Variants in CUX1 observed in about 807,000 individuals in gnomAD.
The protein encoded by CUX1 is protein CASP.
CUX1 carries 31 observed loss-of-function variants against 158.8 expected under a neutral mutation model. That is an observed-to-expected ratio of 0.20 (90% CI 0.15 to 0.26). CUX1 has a LOEUF of 0.26. Ranked by LOEUF, CUX1 falls within the 10% of genes least tolerant of loss-of-function variation. CUX1 has a pLI of 1.00. For synonymous variants in CUX1, 879 were observed against 862.1 expected, an observed-to-expected ratio of 1.02 and a Z score of -0.34; for missense variants, 1,589 against 2,014.6, an observed-to-expected ratio of 0.79 and a Z score of 4.04.
At chr7:101,871,490 G>C (rs1156627588) in intron 1 of CUX1, among the ~76,000 whole-genome samples, 4 of 152,082 alleles carry the variant, frequency 2.6e-5, no homozygotes, top group African/African-American at 4.8e-5. Context: ...ACAGCGAGCA[G>C]CCTCCTTCCC....
intron 8 of CUX1, among the ~76,000 whole-genome samples, chr7:102,118,340 C>T (rs1369517823): frequency 6.6e-6 from 1 of 152,140 alleles, no homozygotes; most frequent in African/African-American, 2.4e-5. Flanking sequence ...GAGTTCAAGA[C>T]CAGCCTGGGC....
intron 2 of CUX1, among the ~76,000 whole-genome samples, chr7:101,954,037 T>C (rs868856969): frequency 1.3e-5 from 2 of 152,122 alleles, no homozygotes; most frequent in Non-Finnish European, 2.9e-5. Flanking sequence ...AAAAATTTTT[T>C]TAAGTCAGCC....
At chr7:101,881,861 C>T (rs142405428) in intron 1 of CUX1, among the ~76,000 whole-genome samples, 69 of 152,210 alleles carry the variant, frequency 4.5e-4, no homozygotes, top group African/African-American at 1.6e-3. Flanking sequence ...TATAGAACAG[C>T]CGAACCATTC....
intron 1 of CUX1, among the ~76,000 whole-genome samples, chr7:101,855,431 G>C (rs1584773188): frequency 1.3e-5 from 2 of 152,230 alleles, no homozygotes; most frequent in East Asian, 3.8e-4. Context: ...CTCATAGGTT[G>C]ATAAGGAAAA....
In CUX1 at chr7:102,227,220, G is replaced by A. The variant is rs140160517; in HGVS notation, c.3131-147G>A. On this transcript the variant is annotated intron_variant, in intron 20 of 23. Coordinates refer to ENST00000292535, the MANE Select transcript of CUX1 (RefSeq NM_181552.4). ...AGGTTACTCTCAGTCAAAAAAATAT[G>A]AAACAGTTCACTAAGACCCACAGAA... The A allele has an allele frequency of 3.4e-4, 235 of 693,860 alleles. 2 individuals carry two copies. The African/African-American group carries it at 3.9e-3, about 12-fold the overall frequency. 43.0% of individuals were successfully genotyped at this position (693,860 alleles called of 1,614,324 possible).
intron 2 of CUX1, among the ~76,000 whole-genome samples, chr7:101,930,872 G>A (rs899515335): frequency 6.6e-6 from 1 of 152,154 alleles, no homozygotes; most frequent in Non-Finnish European, 1.5e-5. Flanking sequence ...TGAGGCGGAC[G>A]GGTCACTTGA....
intron 1 of CUX1, among the ~76,000 whole-genome samples, chr7:101,866,173 A>T (rs1045998750): frequency 1.3e-5 from 2 of 151,848 alleles, no homozygotes; most frequent in Admixed American, 6.6e-5. Flanking sequence ...TAAAAAAATA[A>T]AAATTAGGCT....
chr7:102,049,605 C>T (rs10245816), intron 3 of CUX1, among the ~76,000 whole-genome samples: 31,618 of 151,700 alleles, frequency 0.21, 3,779 homozygotes, highest in African/African-American at 0.33. Flanking sequence ...ATGGAGAGGC[C>T]GAGGCAGGAG....
intron 2 of CUX1, among the ~76,000 whole-genome samples, chr7:101,926,053 T>A (rs899364784): frequency 3.9e-5 from 6 of 152,184 alleles, no homozygotes; most frequent in Non-Finnish European, 7.3e-5. Flanking sequence ...TGTTCTCTCA[T>A]CCTCTAAAGA....
At position 102,070,288 on chromosome 7, in the gene CUX1, G is replaced by C. The variant is rs114651115; in HGVS notation, c.190-51G>C. The C allele has an allele frequency of 1.1e-3, 1,676 of 1,500,660 alleles. 14 individuals carry two copies. The African/African-American group carries it at 0.021, about 19-fold the overall frequency. The allele number at this position is 1,500,660 out of a possible 1,614,324, so 93.0% of individuals were successfully genotyped here. Reference sequence around the variant, plus strand: ...TGTAATGCTTTGTAAATTACCTCTTGACAAATGTTGAGCTCTTTGTTTTTC... The same window carrying C: ...TGTAATGCTTTGTAAATTACCTCTTCACAAATGTTGAGCTCTTTGTTTTTC... On this transcript the variant is annotated intron_variant, in intron 3 of 23. Coordinates refer to ENST00000292535, the MANE Select transcript of CUX1 (RefSeq NM_181552.4).
At chr7:102,108,170 A>T (rs1244880101) in intron 6 of CUX1, among the ~76,000 whole-genome samples, 1 of 152,218 alleles carries the variant, frequency 6.6e-6, no homozygotes, top group African/African-American at 2.4e-5. Flanking sequence ...AAATATTAAT[A>T]ATAGTTATGG....
At chr7:102,030,540 A>G (rs1402514948) in intron 3 of CUX1, among the ~76,000 whole-genome samples, 1 of 152,150 alleles carries the variant, frequency 6.6e-6, no homozygotes, top group African/African-American at 2.4e-5. Context: ...ATTCACAGTA[A>G]TTCCAGGTCA....
intron 11 of CUX1, among the ~76,000 whole-genome samples, chr7:102,188,204 TAA>T (rs35225944): frequency 6.8e-6 from 1 of 147,238 alleles, no homozygotes; most frequent in African/African-American, 2.5e-5. Flanking sequence ...GTCTCTTTTT[TAA>T]AAAAAAAAAG....
intron 23 of CUX1, among the ~76,000 whole-genome samples, chr7:102,243,715 A>G (rs1452434063): frequency 2.0e-5 from 3 of 150,874 alleles, no homozygotes; most frequent in Non-Finnish European, 3.0e-5. Flanking sequence ...CAAAATTAGC[A>G]TGAAGTCGCT....
At position 102,009,128 on chromosome 7, in the gene CUX1, G is replaced by A. The variant is rs142434283; in HGVS notation, c.142-18970G>A. The stretch of plus-strand genomic sequence containing the variant: ...GGCAGCATGGTGTAGTAGCTTTGGC[G>A]CCAGCCGCACCCAGAGTTTGGATTG... On this transcript the variant is annotated intron_variant, in intron 2 of 23. Transcript: ENST00000292535. 5.1e-4 allele frequency among the ~76,000 whole-genome samples: 78 copies of A among 152,332 alleles called. No homozygotes were observed. In the East Asian group the frequency reaches 0.014, roughly 27 times the overall value.
intron 1 of CUX1, among the ~76,000 whole-genome samples, chr7:101,892,445 T>C (rs1800981182): frequency 6.6e-6 from 1 of 152,172 alleles, no homozygotes; most frequent in Non-Finnish European, 1.5e-5. Flanking sequence ...GGGCTTCTAA[T>C]TACCCTCATT....
At chr7:101,852,667 ATTTTTTTTT>A (rs71106571) in intron 1 of CUX1, among the ~76,000 whole-genome samples, 4 of 75,992 alleles carry the variant, frequency 5.3e-5, no homozygotes, top group Non-Finnish European at 1.1e-4. Flanking sequence ...CTGCGTTGGA[ATTTTTTTTT>A]TTTTTTTTTT....
Position 102,201,244 on chromosome 7 carries a change from C to T in CUX1, c.2063-116C>T, listed in dbSNP as rs1009296481. Reference sequence around the variant, plus strand: ...ACAGGGGCCATGCTGGGGAAATACACAGTGTGGTTCTCCCAAATAACCCAC... The same window carrying T: ...ACAGGGGCCATGCTGGGGAAATACATAGTGTGGTTCTCCCAAATAACCCAC... On this transcript the variant is annotated intron_variant, in intron 17 of 23. Transcript: ENST00000292535. This position sits in a 1 kb window ranked among gnomAD's most constrained non-coding sequence, Gnocchi z 5.0. 4 of 1,423,924 alleles carry T rather than the reference C, an allele frequency of 2.8e-6. No individual in the cohort carries two copies. Among genetic ancestry groups the T allele is most frequent in the Non-Finnish European group, 3.8e-6 (4 of 1,051,768 alleles). The allele number at this position is 1,423,924 out of a possible 1,614,324, so 88.2% of individuals were successfully genotyped here. A position where few individuals can be genotyped will look rare whatever the true frequency, so the allele number is the denominator to read the frequency against.
chr7:102,101,972 C>T (rs1554486571), intron 5 of CUX1, among the ~76,000 whole-genome samples: 2 of 151,726 alleles, frequency 1.3e-5, no homozygotes, highest in Admixed American at 1.3e-4. Flanking sequence ...AGACCATTGA[C>T]GTAGCAGAGC....
Sources: gnomAD v4.1 joint callset for allele counts (sites outside exome capture counted in the v4.1 genomes callset) on GRCh38, gnomAD v4.1.1 for gene constraint, Gnocchi (gnomAD v3.1) non-coding constraint, MANE v1.5 for transcripts, NCBI Gene and HGNC (gene_info 2026-07-23, HGNC 2026-07-21) for gene names.